Variants in ARHGAP39 observed in about 807,000 individuals in gnomAD.
ARHGAP39 encodes the protein rho GTPase-activating protein 39.
In ARHGAP39, 44 loss-of-function variants were observed where a neutral mutation model predicts 106.9. The ratio of observed to expected loss-of-function variants is 0.41; its 90% CI spans 0.32 to 0.53. ARHGAP39 has a LOEUF of 0.53. Among genes scored for constraint, ARHGAP39 ranks in the 20% least tolerant of loss-of-function variants. ARHGAP39 has a pLI of 0.21. For synonymous variants in ARHGAP39, 768 were observed against 693.2 expected (o/e 1.11, Z -1.69); for missense variants, 1,496 against 1,577.3 (o/e 0.95, Z 0.87).
chr8:144,546,779 G>A lies in ARHGAP39; in HGVS notation c.1959+348C>T, dbSNP rs944714598. ...CACCTTGGCTGCCTGCTCCTCAGGG[G>A]CCCAGGCCACGGCTCCGGTGGCCAC... On this transcript the variant is annotated intron_variant, in intron 5 of 11. Coordinates refer to ENST00000377307, the MANE Select transcript of ARHGAP39 (RefSeq NM_025251.3). 2.0e-5 allele frequency among the ~76,000 whole-genome samples: 3 copies of A among 152,134 alleles called. No homozygotes were observed. The South Asian group carries it at 6.2e-4, about 31-fold the overall frequency.
Position 144,580,890 on chromosome 8 carries a change from G to T in ARHGAP39, c.468C>A (p.Ala156=), listed in dbSNP as rs1234391463. 1.3e-6 allele frequency: 2 copies of T among 1,591,278 alleles called. No individual in the cohort carries two copies. The part of the protein sequence containing the change: ...TEKAQELPAR[A]GRPAAFGTVK... ...CTGTCCCAAACGCCGCGGGCCGCCC[G>T]GCCCTCGCTGGCAACTCCTGCGCTT... Residue 156 remains alanine, a synonymous_variant, in exon 3 of 12, where the codon GCC becomes GCA. Transcript: ENST00000377307.
chr8:144,606,450 TCTTC>T (rs772238861), intron 1 of ARHGAP39, among the ~76,000 whole-genome samples: 8 of 152,376 alleles, frequency 5.3e-5, no homozygotes, highest in Non-Finnish European at 7.3e-5. Flanking sequence ...ATATGTGTTC[TCTTC>T]CTTATTATTT....
At chr8:144,698,761 T>C in the ARHGAP39 span, 1 of 453,178 alleles carries the variant, frequency 2.2e-6, no homozygotes, top group Admixed American at 2.4e-5. Flanking sequence ...TCCATGAGTG[T>C]CCTTGGCCAT....
intron 3 of ARHGAP39, among the ~76,000 whole-genome samples, chr8:144,558,654 CG>C (rs1818032956): frequency 6.6e-6 from 1 of 152,070 alleles, no homozygotes; most frequent in Non-Finnish European, 1.5e-5. Flanking sequence ...AAATGTTCAG[CG>C]GGAGTACTTT....
intron 1 of ARHGAP39, among the ~76,000 whole-genome samples, chr8:144,680,047 T>A (rs1822362050): frequency 6.6e-6 from 1 of 152,164 alleles, no homozygotes; most frequent in South Asian, 2.1e-4. Context: ...ATTATGACCC[T>A]TATCTCCCAT....
intron 4 of ARHGAP39, among the ~76,000 whole-genome samples, chr8:144,552,211 A>G (rs1182944730): frequency 6.6e-6 from 1 of 152,268 alleles, no homozygotes; most frequent in Non-Finnish European, 1.5e-5. Flanking sequence ...TGGGACGACA[A>G]TAAGGGCCCT....
rs113087984 is a variant in ARHGAP39, at chr8:144,538,976, T to C, written c.2522-1163A>G. On this transcript the variant is annotated intron_variant, in intron 6 of 11. Coordinates refer to ENST00000377307, the MANE Select transcript of ARHGAP39 (RefSeq NM_025251.3). The stretch of plus-strand genomic sequence containing the variant: ...ACTGGGAACTCCTTCCGCTGGCCCC[T>C]GTGTCCCTGTGACAGGCGTCACCCC... 4.9e-5 allele frequency among the ~76,000 whole-genome samples: 3 copies of C among 61,528 alleles called. No individual in the cohort carries two copies. In the East Asian group the frequency reaches 2.1e-3, roughly 44 times the overall value. The allele number at this position is 61,528 out of a possible 152,430, so 40.4% of individuals were successfully genotyped here. A position where few individuals can be genotyped will look rare whatever the true frequency, so the allele number is the denominator to read the frequency against.
At chr8:144,623,442 A>T (rs1336591663) in intron 1 of ARHGAP39, among the ~76,000 whole-genome samples, 1 of 152,222 alleles carries the variant, frequency 6.6e-6, no homozygotes, top group Non-Finnish European at 1.5e-5. Context: ...CTAAAGTATA[A>T]GGGCAGGAAA....
At position 144,547,834 on chromosome 8, in the gene ARHGAP39, AC is replaced by A; in HGVS notation, c.1251del (p.Lys417AsnfsTer20). ...SPKLRAGPRH[K>X]YAPNPGGGSY... ...GAACCACCGCCGGGGTTGGGCGCGT[AC>A]TTGTGCCGCGGGCCGGCGCGCAGCT... On this transcript the variant is annotated frameshift_variant, in exon 5 of 12. Transcript: ENST00000377307. LOFTEE classifies it high-confidence loss of function. The surrounding 1 kb of genome is among the most constrained non-coding windows in gnomAD (Gnocchi z 5.2). 1 of 1,590,808 alleles carries A rather than the reference AC, an allele frequency of 6.3e-7. No homozygotes were observed. The highest frequency in any genetic ancestry group is 8.5e-7 in the Non-Finnish European group (1 of 1,169,844).
At chr8:144,611,879 T>C (rs1820500402) in intron 1 of ARHGAP39, among the ~76,000 whole-genome samples, 1 of 151,614 alleles carries the variant, frequency 6.6e-6, no homozygotes, top group African/African-American at 2.4e-5. Flanking sequence ...CATGGTGGGG[T>C]GCACTTGTAT....
intron 1 of ARHGAP39, 148 bp from the exon 2 acceptor site, chr8:144,605,843 T>C: frequency 1.8e-6 from 1 of 567,118 alleles, no homozygotes; most frequent in Non-Finnish European, 3.2e-6. Flanking sequence ...CCAACCCCAC[T>C]CCTCAGTGCT....
chr8:144,555,040 G>A (rs1237966017), intron 4 of ARHGAP39, among the ~76,000 whole-genome samples: 1 of 152,154 alleles, frequency 6.6e-6, no homozygotes, highest in East Asian at 1.9e-4. Context: ...CCAGGTGCCT[G>A]CCTCTGCCTG....
chr8:144,642,866 C>A (rs561247625), intron 1 of ARHGAP39, among the ~76,000 whole-genome samples: 1 of 151,980 alleles, frequency 6.6e-6, no homozygotes, highest in Non-Finnish European at 1.5e-5. Flanking sequence ...CAGACTAATA[C>A]ATCAGGTGTG....
Position 144,541,027 on chromosome 8 carries a change from T to G in ARHGAP39, c.2522-3214A>C, listed in dbSNP as rs186940761. ...CCACCATGCCTGACTAATTTTTGTA[T>G]TTTTAGTAAAGATGGGGTTTCACCA... On this transcript the variant is annotated intron_variant, in intron 6 of 11. Transcript: ENST00000377307. Among the ~76,000 whole-genome samples the G allele has an allele frequency of 8.5e-5, 13 of 152,296 alleles. No individual in the cohort carries two copies. In the East Asian group the frequency reaches 2.3e-3, roughly 27 times the overall value.
chr8:144,542,479 A>G (rs1163582477), intron 6 of ARHGAP39, among the ~76,000 whole-genome samples: 1 of 152,110 alleles, frequency 6.6e-6, no homozygotes, highest in Non-Finnish European at 1.5e-5. Context: ...CCTAGGCTAC[A>G]GTTTCCTTTT....
intron 1 of ARHGAP39, among the ~76,000 whole-genome samples, chr8:144,609,732 G>A (rs1293355816): frequency 6.6e-6 from 1 of 152,098 alleles, no homozygotes; most frequent in African/African-American, 2.4e-5. Context: ...TCTCAAATGG[G>A]ATTGGCTAAA....
intron 2 of ARHGAP39, among the ~76,000 whole-genome samples, chr8:144,583,675 A>G (rs1205469796): frequency 6.6e-6 from 1 of 152,206 alleles, no homozygotes; most frequent in Non-Finnish European, 1.5e-5. Flanking sequence ...CTATTCTGAG[A>G]GTCACACGAT....
chr8:144,665,321 T>C (rs1563729882), intron 1 of ARHGAP39, among the ~76,000 whole-genome samples: 1 of 152,118 alleles, frequency 6.6e-6, no homozygotes, highest in Non-Finnish European at 1.5e-5. Flanking sequence ...GTTCAGAAAA[T>C]TTGCAGCCTG....
chr8:144,544,219 C>G (rs1817308965), intron 6 of ARHGAP39, among the ~76,000 whole-genome samples: 1 of 152,278 alleles, frequency 6.6e-6, no homozygotes, highest in African/African-American at 2.4e-5. Flanking sequence ...CCACAAACAG[C>G]TGATGGGCTG....
Sources: gnomAD v4.1 joint callset for allele counts (sites outside exome capture counted in the v4.1 genomes callset) on GRCh38, gnomAD v4.1.1 for gene constraint, Gnocchi (gnomAD v3.1) non-coding constraint, MANE v1.5 for transcripts, NCBI Gene and HGNC (gene_info 2026-07-23, HGNC 2026-07-21) for gene names.